DLG2: variants seen among roughly 807,000 people sequenced by gnomAD.
DLG2 encodes the protein disks large homolog 2.
In DLG2, 45 loss-of-function variants were observed where a neutral mutation model predicts 132.5. The observed-to-expected ratio is 0.34, with a 90% confidence interval of 0.27 to 0.44. DLG2 has a LOEUF of 0.44. DLG2 is among the 20% of genes least tolerant of loss of function. The pLI is 1.00. For synonymous variants in DLG2, 424 were observed against 419.6 expected, an observed-to-expected ratio of 1.01 and a Z score of -0.13; for missense variants, 1,045 against 1,196.9, an observed-to-expected ratio of 0.87 and a Z score of 1.87.
chr11:85,390,647 C>T (rs989516900), intron 3 of DLG2, among the ~76,000 whole-genome samples: 1 of 152,030 alleles, frequency 6.6e-6, no homozygotes, highest in African/African-American at 2.4e-5. Flanking sequence ...CCCTCAAAAT[C>T]ATGCAAATAC....
chr11:84,098,945 C>A lies in DLG2; in HGVS notation c.727G>T (p.Ala243Ser). The A allele has an allele frequency of 6.2e-7, 1 of 1,613,314 alleles. No homozygotes were observed. Among genetic ancestry groups the A allele is most frequent in the Non-Finnish European group, 8.5e-7 (1 of 1,179,722 alleles). The change falls in exon 10 of 28, where the codon GCA becomes TCA. Residue 243 changes from alanine (A) to serine (S), a missense_variant. By Grantham distance (99) the Ala-to-Ser change is moderately conservative. Transcript: ENST00000376104. Reference sequence around the variant, plus strand: ...TACCTGAGTCTGCCATCCTCTGCTGCAGCACCTCCTGGTATAATCTTCGTA... The same window carrying A: ...TACCTGAGTCTGCCATCCTCTGCTGAAGCACCTCCTGGTATAATCTTCGTA... ...FITKIIPGGA[A>S]AEDGRLRVND...
chr11:84,301,651 C>CAAAAAAAAAA (rs753899806), intron 7 of DLG2, among the ~76,000 whole-genome samples: 2 of 26,596 alleles, frequency 7.5e-5, no homozygotes, highest in African/African-American at 3.0e-4. Flanking sequence ...AGGCGAGACT[C>CAAAAAAAAAA]AAAAAAAAAA....
intron 15 of DLG2, among the ~76,000 whole-genome samples, chr11:83,894,295 ATAAG>A (rs958304136): frequency 3.3e-5 from 5 of 152,210 alleles, no homozygotes; most frequent in African/African-American, 1.2e-4. Context: ...AGAGAGATAC[ATAAG>A]TAAGTGATAG....
At chr11:84,387,953 A>G (rs1304316697) in intron 7 of DLG2, among the ~76,000 whole-genome samples, 1 of 152,142 alleles carries the variant, frequency 6.6e-6, no homozygotes, top group Non-Finnish European at 1.5e-5. Flanking sequence ...TCCAAAGCCA[A>G]TTGTAGGGAG....
intron 6 of DLG2, among the ~76,000 whole-genome samples, chr11:84,696,407 TAAGG>T (rs1025320314): frequency 1.5e-4 from 23 of 151,502 alleles, no homozygotes; most frequent in African/African-American, 5.6e-4. Flanking sequence ...ACACACCAAG[TAAGG>T]ATTTCAATTA....
chr11:85,556,780 C>A (rs1220652963), intron 3 of DLG2, among the ~76,000 whole-genome samples: 1 of 151,708 alleles, frequency 6.6e-6, no homozygotes, highest in East Asian at 1.9e-4. Flanking sequence ...CACAGTAGAG[C>A]CTACAGAATT....
chr11:85,318,083 C>A (rs1303036807), intron 3 of DLG2, among the ~76,000 whole-genome samples: 1 of 151,800 alleles, frequency 6.6e-6, no homozygotes, highest in Non-Finnish European at 1.5e-5. Flanking sequence ...TTACCCTTCT[C>A]CTCTAGTATC....
At position 85,111,754 on chromosome 11, in the gene DLG2, T is replaced by A. The variant is rs601375; in HGVS notation, c.283-19A>T. The A allele has an allele frequency of 6.5e-7, 1 of 1,538,830 alleles. No individual in the cohort carries two copies. Among genetic ancestry groups the A allele is most frequent in the Non-Finnish European group, 8.8e-7 (1 of 1,136,760 alleles). On this transcript the variant is annotated intron_variant, in intron 5 of 27. Coordinates refer to ENST00000376104, the MANE Select transcript of DLG2 (RefSeq NM_001142699.3). ...GGTTTTGCTGCAAATAAGTAAAAATTATATTATATTCTATTTATTATGGGC... is the reference window on the plus strand; with the variant it reads ...GGTTTTGCTGCAAATAAGTAAAAATAATATTATATTCTATTTATTATGGGC...
intron 3 of DLG2, among the ~76,000 whole-genome samples, chr11:85,540,128 A>T (rs2153204711): frequency 6.6e-6 from 1 of 152,304 alleles, no homozygotes; most frequent in African/African-American, 2.4e-5. Flanking sequence ...GCAGGAAGGG[A>T]AATGCTGGGT....
intron 4 of DLG2, among the ~76,000 whole-genome samples, chr11:85,205,783 A>G (rs1203715733): frequency 6.6e-6 from 1 of 152,218 alleles, no homozygotes; most frequent in East Asian, 1.9e-4. Flanking sequence ...GAAAGAGATC[A>G]GAGTGTGATG....
At chr11:84,769,376 GAAGA>G (rs1449842946) in intron 6 of DLG2, among the ~76,000 whole-genome samples, 1 of 152,018 alleles carries the variant, frequency 6.6e-6, no homozygotes, top group Admixed American at 6.6e-5. Context: ...AAAACAATCA[GAAGA>G]AAGAATTTCA....
chr11:85,285,172 C>T lies in DLG2; in HGVS notation c.186+48G>A, dbSNP rs1695831772. 4 of 1,540,096 alleles carry T rather than the reference C, an allele frequency of 2.6e-6. No individual in the cohort carries two copies. In the East Asian group the frequency reaches 6.8e-5, roughly 26 times the overall value. ...ACTACTACCATTACTTCTTTAGTGGCCTAAGTCCTAGTATTATTCAGTTCT... is the reference window on the plus strand; with the variant it reads ...ACTACTACCATTACTTCTTTAGTGGTCTAAGTCCTAGTATTATTCAGTTCT... On this transcript the variant is annotated intron_variant, in intron 4 of 27. Transcript: ENST00000376104.
chr11:83,657,534 C>CTTTTTTTTTTTTTTTTTTTTT (rs540422330), intron 18 of DLG2, among the ~76,000 whole-genome samples: 4 of 93,398 alleles, frequency 4.3e-5, no homozygotes, highest in African/African-American at 9.3e-5. Flanking sequence ...ATTGTCTATT[C>CTTTTTTTTTTTTTTTTTTTTT]TTTTTTTTTT....
chr11:84,020,247 T>G (rs1014297478), intron 11 of DLG2, among the ~76,000 whole-genome samples: 3 of 152,168 alleles, frequency 2.0e-5, no homozygotes, highest in Non-Finnish European at 2.9e-5. Flanking sequence ...TAGGTATTCT[T>G]TATGCCTTTG....
intron 6 of DLG2, among the ~76,000 whole-genome samples, chr11:84,578,469 G>A (rs538832922): frequency 2.0e-5 from 3 of 152,312 alleles, no homozygotes; most frequent in Non-Finnish European, 4.4e-5. Flanking sequence ...TGACCTGGAT[G>A]TGAGACCTGG....
intron 8 of DLG2, among the ~76,000 whole-genome samples, chr11:84,203,702 C>G (rs901667142): frequency 6.6e-6 from 1 of 151,806 alleles, no homozygotes; most frequent in African/African-American, 2.4e-5. Context: ...TACATATTCT[C>G]ACTTATAAGT....
chr11:84,248,899 A>C (rs1261920357), intron 8 of DLG2, among the ~76,000 whole-genome samples: 1 of 152,188 alleles, frequency 6.6e-6, no homozygotes, highest in East Asian at 1.9e-4. Flanking sequence ...AAAGATGATT[A>C]AAAATAATTT....
At chr11:84,272,841 C>T (rs1449244133) in intron 7 of DLG2, among the ~76,000 whole-genome samples, 3 of 152,104 alleles carry the variant, frequency 2.0e-5, no homozygotes, top group Admixed American at 2.0e-4. Context: ...TTATTTCAAA[C>T]ATTAATATAT....
intron 7 of DLG2, among the ~76,000 whole-genome samples, chr11:84,504,465 T>C (rs529733455): frequency 1.3e-5 from 2 of 152,198 alleles, no homozygotes; most frequent in African/African-American, 2.4e-5. Context: ...GATATTTTAG[T>C]TCAGCATGTA....
Sources: gnomAD v4.1 joint callset for allele counts (sites outside exome capture counted in the v4.1 genomes callset) on GRCh38, gnomAD v4.1.1 for gene constraint, MANE v1.5 for transcripts, NCBI Gene and HGNC (gene_info 2026-07-23, HGNC 2026-07-21) for gene names.